Variants in MYO9A observed in about 807,000 individuals in gnomAD.
MYO9A encodes the protein myosin IXA, also known as unconventional myosin-IXa.
MYO9A carries 103 observed loss-of-function variants against 293.3 expected under a neutral mutation model. That is an observed-to-expected ratio of 0.35 (90% CI 0.30 to 0.41). MYO9A has a LOEUF of 0.41. MYO9A is among the 10% of genes least tolerant of loss of function. The probability of loss-of-function intolerance (pLI) is 1.00; values close to 1 mark genes in which losing one functional copy is unlikely to be tolerated. For synonymous variants in MYO9A, 1,001 were observed against 1,035.7 expected (o/e 0.97, Z 0.64); for missense variants, 2,685 against 3,033.0 (o/e 0.89, Z 2.69).
At chr15:72,117,537 G>C (rs922403313) in intron 1 of MYO9A, 143 bp downstream of exon 1, 7 of 352,528 alleles carry the variant, frequency 2.0e-5, no homozygotes, top group Admixed American at 1.9e-4. Flanking sequence ...CCGTGATCTG[G>C]TGTTTGGGAG....
In MYO9A at chr15:71,824,314, T is replaced by TTAAC. The variant is rs2054381528; in HGVS notation, c.*2262_*2265dup. 6.6e-6 allele frequency: 1 copy of TTAAC among 152,218 alleles called. No individual in the cohort carries two copies. The highest frequency in any genetic ancestry group is 1.5e-5 in the Non-Finnish European group (1 of 68,044). 9.4% of individuals were successfully genotyped at this position (152,218 alleles called of 1,614,324 possible). The stretch of plus-strand genomic sequence containing the variant: ...TAAAGTGACCTACATCAGTCGTTTT[T>TTAAC]TAACTGCCAAAAAACTTATTTTGCC... On this transcript the variant is annotated 3_prime_UTR_variant, in exon 42 of 42. Transcript: ENST00000356056.
chr15:71,987,748 T>C (rs1377803109), intron 11 of MYO9A, among the ~76,000 whole-genome samples: 2 of 152,228 alleles, frequency 1.3e-5, no homozygotes, highest in Non-Finnish European at 2.9e-5. Flanking sequence ...CCTGTGATAC[T>C]GTACCTTCTT....
intron 1 of MYO9A, among the ~76,000 whole-genome samples, chr15:72,081,458 T>G (rs2079543088): frequency 6.6e-6 from 1 of 150,880 alleles, no homozygotes; most frequent in Admixed American, 6.7e-5. Flanking sequence ...TATTAGATCT[T>G]TGTCAGATGC....
intron 1 of MYO9A, among the ~76,000 whole-genome samples, chr15:72,054,770 A>G: frequency 6.6e-6 from 1 of 151,992 alleles, no homozygotes; most frequent in Non-Finnish European, 1.5e-5. Flanking sequence ...ATGATTATAA[A>G]TAAGATCAAG....
intron 1 of MYO9A, among the ~76,000 whole-genome samples, chr15:72,058,392 C>T (rs1378395011): frequency 6.6e-6 from 1 of 151,984 alleles, no homozygotes; most frequent in African/African-American, 2.4e-5. Context: ...TTGAGTTGAA[C>T]AGCAATTCTT....
intron 36 of MYO9A, among the ~76,000 whole-genome samples, 188 bp from the exon 37 acceptor site, chr15:71,851,546 A>T (rs1034661460): frequency 6.6e-6 from 1 of 152,228 alleles, no homozygotes; most frequent in Non-Finnish European, 1.5e-5. Flanking sequence ...ATTCATAAAC[A>T]GTCTCCTTAG....
chr15:72,107,738 A>G (rs1309488609), intron 1 of MYO9A, among the ~76,000 whole-genome samples: 1 of 151,862 alleles, frequency 6.6e-6, no homozygotes, highest in Non-Finnish European at 1.5e-5. Flanking sequence ...TCAGGAAAAA[A>G]TAATTCAGGA....
At chr15:72,052,672 T>C (rs1278368220) in intron 1 of MYO9A, among the ~76,000 whole-genome samples, 1 of 152,146 alleles carries the variant, frequency 6.6e-6, no homozygotes, top group African/African-American at 2.4e-5. Flanking sequence ...CACCACTGCA[T>C]TCCCCAGTGC....
intron 5 of MYO9A, 87 bp from the exon 6 acceptor site, chr15:72,019,182 G>T: frequency 2.8e-6 from 3 of 1,077,026 alleles, no homozygotes; most frequent in South Asian, 1.3e-5. Flanking sequence ...AAGTAGTACT[G>T]CTGCTCTCCA....
intron 1 of MYO9A, among the ~76,000 whole-genome samples, chr15:72,080,307 C>CTT (rs374292426): frequency 0.021 from 2,646 of 127,308 alleles, 76 homozygotes; most frequent in Admixed American, 0.058. Flanking sequence ...CCATGCTTCT[C>CTT]TTTTTTTTTT....
chr15:71,873,107 G>A lies in MYO9A; in HGVS notation c.5979+2684C>T, dbSNP rs371974653. Reference sequence around the variant, plus strand: ...TTTTTTTGTATTTTTAGTAGAGATGGGGTTTCGCCATGTTGGCCAGGCTGG... The same window carrying A: ...TTTTTTTGTATTTTTAGTAGAGATGAGGTTTCGCCATGTTGGCCAGGCTGG... On this transcript the variant is annotated intron_variant, in intron 32 of 41. Coordinates refer to ENST00000356056, the MANE Select transcript of MYO9A (RefSeq NM_006901.4). 9.2e-5 allele frequency among the ~76,000 whole-genome samples: 14 copies of A among 151,888 alleles called. No individual in the cohort carries two copies. The East Asian group carries it at 1.9e-3, about 21-fold the overall frequency.
intron 1 of MYO9A, among the ~76,000 whole-genome samples, chr15:72,056,657 C>T (rs2078727519): frequency 6.6e-6 from 1 of 152,210 alleles, no homozygotes; most frequent in Non-Finnish European, 1.5e-5. Flanking sequence ...GATGGGTGCA[C>T]CAAAATCTCA....
rs193013853 is a variant in MYO9A at position 72,067,619 on chromosome 15, G to A, written c.-71-20985C>T. Among the ~76,000 whole-genome samples, 6 of 152,240 alleles carry A rather than the reference G, an allele frequency of 3.9e-5. No homozygotes were observed. The East Asian group carries it at 9.6e-4, about 24-fold the overall frequency. On this transcript the variant is annotated intron_variant, in intron 1 of 41. Transcript: ENST00000356056. ...TTTAAAATATTACACTATTTAAACA[G>A]TTTCAAAATAAACTAACCTTTTGCC... is the stretch of plus-strand genomic sequence containing the variant.
At chr15:71,998,978 A>AT (rs1418259488) in intron 9 of MYO9A, 2 of 152,266 alleles carry the variant, frequency 1.3e-5, no homozygotes, top group South Asian at 2.1e-4. Context: ...CAGTCTATCA[A>AT]TGTCCAACAA....
At position 71,831,361 on chromosome 15, in the gene MYO9A, A is replaced by G. The variant is rs188104236; in HGVS notation, c.6838-1050T>C. On this transcript the variant is annotated intron_variant, in intron 39 of 41. Coordinates refer to ENST00000356056, the MANE Select transcript of MYO9A (RefSeq NM_006901.4). ...GGCAGAGTTGATTGTTGAGACAGAGATTGGCCTACAAAGACTAAAATATTT... is the reference window on the plus strand; with the variant it reads ...GGCAGAGTTGATTGTTGAGACAGAGGTTGGCCTACAAAGACTAAAATATTT... Among the ~76,000 whole-genome samples, 35 of 152,338 alleles carry G rather than the reference A, an allele frequency of 2.3e-4. 1 individual carries two copies. The highest frequency in any genetic ancestry group is 2.2e-3 in the Admixed American group (34 of 15,304).
chr15:71,969,656 A>G (rs1465483727), intron 12 of MYO9A, among the ~76,000 whole-genome samples: 2 of 152,196 alleles, frequency 1.3e-5, no homozygotes, highest in Non-Finnish European at 2.9e-5. Context: ...GAGTAATTGA[A>G]AAGCTTATGA....
chr15:71,869,322 C>T (rs2056435608), intron 32 of MYO9A, among the ~76,000 whole-genome samples: 1 of 152,122 alleles, frequency 6.6e-6, no homozygotes, highest in African/African-American at 2.4e-5. Flanking sequence ...TGAAAAATCA[C>T]AGCATTTCTT....
intron 39 of MYO9A, chr15:71,847,459 G>A (rs896670317): frequency 1.1e-5 from 5 of 454,650 alleles, no homozygotes; most frequent in Non-Finnish European, 2.2e-5. Context: ...ACTGCAATTA[G>A]TACAGGTTTC....
chr15:72,106,102 T>A (rs977613770), intron 1 of MYO9A, among the ~76,000 whole-genome samples: 6 of 151,874 alleles, frequency 4.0e-5, no homozygotes, highest in African/African-American at 1.2e-4. Context: ...GAAAGAAAAA[T>A]ATTAGGATGA....
Sources: allele counts gnomAD v4.1 joint callset (sites outside exome capture counted in the v4.1 genomes callset), GRCh38; gene constraint gnomAD v4.1.1; transcripts MANE v1.5; gene names NCBI Gene and HGNC (gene_info 2026-07-23, HGNC 2026-07-21).